Variants in DNAJB4 observed in about 807,000 individuals in gnomAD.
DNAJB4 encodes dnaJ homolog subfamily B member 4.
DNAJB4 carries 10 observed loss-of-function variants against 26.6 expected under a neutral mutation model. The observed-to-expected ratio is 0.38, with a 90% confidence interval of 0.23 to 0.64. DNAJB4 has a LOEUF of 0.64. Ranked by LOEUF, DNAJB4 falls within the 30% of genes least tolerant of loss-of-function variation. DNAJB4 has a pLI of 0.58. For synonymous variants in DNAJB4, 136 were observed against 134.8 expected, an observed-to-expected ratio of 1.01 and a Z score of -0.06; for missense variants, 328 against 408.2, an observed-to-expected ratio of 0.80 and a Z score of 1.69.
At chr1:78,009,475 G>A (rs2102609842) in intron 1 of DNAJB4, among the ~76,000 whole-genome samples, 1 of 152,294 alleles carries the variant, frequency 6.6e-6, no homozygotes, top group Non-Finnish European at 1.5e-5. Context: ...GGCAAATGTT[G>A]CTTCTCTGGT....
chr1:78,006,607 C>T (rs1180843471), intron 1 of DNAJB4, among the ~76,000 whole-genome samples: 2 of 152,164 alleles, frequency 1.3e-5, no homozygotes, highest in East Asian at 1.9e-4. Context: ...CTTTTTTGGT[C>T]TATGAGTTGC....
chr1:77,989,716 A>G (rs1659887963), intron 1 of DNAJB4, among the ~76,000 whole-genome samples: 1 of 152,226 alleles, frequency 6.6e-6, no homozygotes. Context: ...TAGTGGTGTC[A>G]GGATGCCTTC....
intron 1 of DNAJB4, among the ~76,000 whole-genome samples, chr1:78,012,245 T>G (rs749267525): frequency 4.1e-4 from 57 of 139,848 alleles, no homozygotes; most frequent in Middle Eastern, 7.3e-3. Context: ...TCGCTGCAAC[T>G]TCTGCCTCCC....
intron 1 of DNAJB4, among the ~76,000 whole-genome samples, chr1:78,010,800 ATT>A (rs1368520480): frequency 6.6e-6 from 1 of 152,136 alleles, no homozygotes; most frequent in Non-Finnish European, 1.5e-5. Context: ...GTGTGATTAT[ATT>A]TTACATTGTT....
intron 1 of DNAJB4, among the ~76,000 whole-genome samples, chr1:77,993,578 G>A (rs1659988558): frequency 1.3e-5 from 2 of 152,034 alleles, no homozygotes; most frequent in South Asian, 4.1e-4. Flanking sequence ...GGCCTTCTAA[G>A]GTGCTGGGAT....
At chr1:77,993,695 A>G (rs1659993554) in intron 1 of DNAJB4, among the ~76,000 whole-genome samples, 1 of 152,212 alleles carries the variant, frequency 6.6e-6, no homozygotes, top group Non-Finnish European at 1.5e-5. Flanking sequence ...ACAGTATAGC[A>G]CAGTGGGGTC....
chr1:77,987,005 C>G (rs1659807222), intron 1 of DNAJB4, among the ~76,000 whole-genome samples: 1 of 152,184 alleles, frequency 6.6e-6, no homozygotes, highest in Non-Finnish European at 1.5e-5. Flanking sequence ...TCCCTACCCT[C>G]CACCCCTGCC....
At chr1:77,988,378 A>C (rs1419994047) in intron 1 of DNAJB4, among the ~76,000 whole-genome samples, 1 of 152,104 alleles carries the variant, frequency 6.6e-6, no homozygotes, top group East Asian at 1.9e-4. Context: ...TTAAGAATCA[A>C]AGTGACCTAT....
intron 1 of DNAJB4, among the ~76,000 whole-genome samples, chr1:77,988,653 C>G (rs528230572): frequency 6.6e-6 from 1 of 152,180 alleles, no homozygotes; most frequent in Non-Finnish European, 1.5e-5. Flanking sequence ...CCTTTCCTTT[C>G]AGATTGTAGT....
chr1:77,983,462 G>C (rs1411365799), intron 1 of DNAJB4, among the ~76,000 whole-genome samples: 1 of 152,104 alleles, frequency 6.6e-6, no homozygotes, highest in Non-Finnish European at 1.5e-5. Context: ...CCCTTCCCAC[G>C]AGGCCATATT....
chr1:77,982,865 T>A (rs1659691393), intron 1 of DNAJB4, among the ~76,000 whole-genome samples: 1 of 152,196 alleles, frequency 6.6e-6, no homozygotes, highest in African/African-American at 2.4e-5. Flanking sequence ...AATTGGACTA[T>A]ATGTGAATCC....
chr1:78,015,070 C>G (rs1660598874), intron 2 of DNAJB4, among the ~76,000 whole-genome samples: 1 of 152,172 alleles, frequency 6.6e-6, no homozygotes, highest in Admixed American at 6.5e-5. Context: ...CAAAAGACCT[C>G]CATGCTTACC....
intron 1 of DNAJB4, among the ~76,000 whole-genome samples, chr1:78,010,613 G>C (rs1440727499): frequency 6.6e-6 from 1 of 152,078 alleles, no homozygotes; most frequent in Non-Finnish European, 1.5e-5. Flanking sequence ...TCTATTCATG[G>C]ATGAAGGTAA....
rs780410292 is a variant in DNAJB4, at chr1:78,016,027, G to A, written c.794G>A (p.Cys265Tyr). 2 of 1,613,598 alleles carry A rather than the reference G, an allele frequency of 1.2e-6. No homozygotes were observed. The highest frequency in any genetic ancestry group is 1.7e-6 in the Non-Finnish European group (2 of 1,179,812). ...GGTCCATTTTAGGCATTGTGTGGCT[G>A]CTCAATTAATGTACCAACACTGGAT... The part of the protein sequence containing the change: ...KISLREALCG[C>Y]SINVPTLDGR... Residue 265 changes from cysteine (C) to tyrosine (Y), a missense_variant, in exon 3 of 3, where the codon TGC (cysteine) becomes TAC (tyrosine). Physicochemically the swap from Cys to Tyr is radical, Grantham distance 194 (BLOSUM62 -2). Coordinates refer to ENST00000370763, the MANE Select transcript of DNAJB4 (RefSeq NM_007034.5).
intron 2 of DNAJB4, 44 bp from the exon 3 acceptor site, chr1:78,015,970 G>C: frequency 6.5e-7 from 1 of 1,526,988 alleles, no homozygotes; most frequent in Middle Eastern, 1.7e-4. Flanking sequence ...TTAGATTTTT[G>C]AGTTTTGAAG....
intron 1 of DNAJB4, among the ~76,000 whole-genome samples, chr1:77,996,381 C>T (rs1016504462): frequency 6.6e-6 from 1 of 152,112 alleles, no homozygotes; most frequent in Admixed American, 6.5e-5. Flanking sequence ...TCTCAAACTC[C>T]TGGGCTCAAG....
chr1:77,983,902 C>T (rs1385765639), intron 1 of DNAJB4, among the ~76,000 whole-genome samples: 4 of 152,102 alleles, frequency 2.6e-5, no homozygotes, highest in Admixed American at 1.3e-4. Context: ...AAGCTCTGGC[C>T]GACTTTTGCT....
upstream of DNAJB4, chr1:78,004,519 C>T (rs1571439888): frequency 6.6e-6 from 1 of 151,874 alleles, no homozygotes; most frequent in Non-Finnish European, 1.5e-5. Context: ...GTATTATATA[C>T]TTAACAGACA....
intron 1 of DNAJB4, among the ~76,000 whole-genome samples, chr1:77,981,820 G>C (rs905410956): frequency 2.6e-5 from 4 of 152,062 alleles, no homozygotes; most frequent in African/African-American, 7.2e-5. Context: ...TATACAAAAG[G>C]CCTCTTTGAA....
Sources: gnomAD v4.1 joint callset for allele counts (sites outside exome capture counted in the v4.1 genomes callset) on GRCh38, gnomAD v4.1.1 for gene constraint, MANE v1.5 for transcripts, NCBI Gene and HGNC (gene_info 2026-07-23, HGNC 2026-07-21) for gene names.